PPM1F: variants seen among roughly 807,000 people sequenced by gnomAD.
PPM1F encodes protein phosphatase 1F.
Under a neutral mutation model 35.5 loss-of-function variants are expected in PPM1F, and 17 were observed. The ratio of observed to expected loss-of-function variants is 0.48; its 90% confidence interval spans 0.33 to 0.72. The LOEUF (loss-of-function observed/expected upper bound fraction) is 0.72. Ranked by LOEUF, PPM1F falls within the 30% of genes least tolerant of loss-of-function variation. The probability of loss-of-function intolerance (pLI) is 0.02; values close to 1 mark genes in which losing one functional copy is unlikely to be tolerated. For missense variants in PPM1F, 521 were observed against 613.0 expected (o/e 0.85, Z 1.59); for synonymous variants, 241 against 255.5 (o/e 0.94, Z 0.54).
At chr22:21,935,404 T>A (rs1387185023) in intron 3 of PPM1F, 1 of 152,212 alleles carries the variant, frequency 6.6e-6, no homozygotes, top group East Asian at 1.9e-4. Flanking sequence ...ATCCTGGTGA[T>A]GGAACTGCTC....
At chr22:21,940,512 GAC>G (rs3052748) in intron 2 of PPM1F, 66,028 of 150,954 alleles carry the variant, frequency 0.44, 14,728 homozygotes, top group African/African-American at 0.5. Flanking sequence ...TTTGGACACA[GAC>G]ACACACACAC....
intron 4 of PPM1F, 92 bp downstream of exon 4, chr22:21,933,932 C>T (rs1327760898): frequency 4.8e-6 from 6 of 1,260,606 alleles, no homozygotes; most frequent in Non-Finnish European, 5.4e-6. Context: ...CTGTCTCAGC[C>T]TTGGTGGGCA....
At chr22:21,940,847 C>A (rs955019481) in intron 2 of PPM1F, among the ~76,000 whole-genome samples, 1 of 152,188 alleles carries the variant, frequency 6.6e-6, no homozygotes, top group African/African-American at 2.4e-5. Context: ...GCTGTGGGAA[C>A]AGGGCAGGCC....
At position 21,937,242 on chromosome 22, in the gene PPM1F, A is replaced by G. The variant is rs62234963; in HGVS notation, c.355+2290T>C. The G allele has an allele frequency of 3.7e-3, 561 of 152,744 alleles. 1 individual carries two copies. Among genetic ancestry groups the G allele is most frequent in the Middle Eastern group, 0.031 (9 of 294 alleles). The allele number at this position is 152,744 out of a possible 1,614,324, so 9.5% of individuals were successfully genotyped here. ...CTGTGGAAGAAAAGGAGAAGGGCTG[A>G]GGCCAGAGGGGGCCACCGAGGAAGA... On this transcript the variant is annotated intron_variant, in intron 3 of 7. Coordinates refer to ENST00000263212, the MANE Select transcript of PPM1F (RefSeq NM_014634.4).
chr22:21,935,671 C>G (rs1002537297), intron 3 of PPM1F: 4 of 152,108 alleles, frequency 2.6e-5, no homozygotes, highest in African/African-American at 9.7e-5. Flanking sequence ...GAGTTCAAGA[C>G]CAGCCTGGAT....
rs952695340 is a variant in PPM1F at position 21,919,637 on chromosome 22, T to C, written c.*3455A>G. 1 of 150,930 alleles carries C rather than the reference T, an allele frequency of 6.6e-6. No homozygotes were observed. Among genetic ancestry groups the C allele is most frequent in the Non-Finnish European group, 1.5e-5 (1 of 67,848 alleles). The allele number at this position is 150,930 out of a possible 1,614,324, so 9.3% of individuals were successfully genotyped here. On this transcript the variant is annotated 3_prime_UTR_variant, in exon 8 of 8. Coordinates refer to ENST00000263212, the MANE Select transcript of PPM1F (RefSeq NM_014634.4). ...TCGCAAGGCCTGCACTGCACCGGAA[T>C]GGCAGAGCTCCGTGCATTTGGCAAA... is the stretch of plus-strand genomic sequence containing the variant.
intron 2 of PPM1F, chr22:21,944,862 T>A (rs2070761470): frequency 6.6e-6 from 1 of 152,240 alleles, no homozygotes; most frequent in Non-Finnish European, 1.5e-5. Context: ...GACACCCAAC[T>A]CTCTATCTTC....
At chr22:21,931,090 G>A in intron 6 of PPM1F, 58 bp downstream of exon 6, 1 of 1,598,000 alleles carries the variant, frequency 6.3e-7, no homozygotes, top group Non-Finnish European at 8.5e-7. Context: ...GTTCCCCTAT[G>A]GGCCCAGCAT....
chr22:21,947,228 G>C (rs974708939), intron 1 of PPM1F: 2 of 152,414 alleles, frequency 1.3e-5, no homozygotes, highest in Non-Finnish European at 2.9e-5. Context: ...GCTCTCCAGC[G>C]CCCCCCCTTC....
chr22:21,931,223 G>C lies in PPM1F; in HGVS notation c.816C>G (p.Leu272=). 3 of 1,614,102 alleles carry C rather than the reference G, an allele frequency of 1.9e-6. No homozygotes were observed. Among genetic ancestry groups the C allele is most frequent in the Non-Finnish European group, 2.5e-6 (3 of 1,180,036 alleles). The change falls in exon 6 of 8, where the codon CTC becomes CTG. Residue 272 remains leucine (L), a synonymous_variant. Transcript: ENST00000263212. ...IAGATLHVAW[L]GDSQVILVQQ... is the part of the protein sequence containing the mutation. ...GTACCAAAATGACCTGGGAATCCCC[G>C]AGCCAGGCGACGTGCAGGGTCGCTC... is the stretch of plus-strand genomic sequence containing the variant.
At chr22:21,928,998 G>C (rs61741374) in intron 6 of PPM1F, among the ~76,000 whole-genome samples, 166 of 152,312 alleles carry the variant, frequency 1.1e-3, no homozygotes, top group Non-Finnish European at 2.2e-3. Context: ...TGCAGAGGCA[G>C]GAGACTGTTC....
chr22:21,933,913 G>T, intron 4 of PPM1F, 111 bp downstream of exon 4: 1 of 1,049,876 alleles, frequency 9.5e-7, no homozygotes, highest in Non-Finnish European at 1.4e-6. Context: ...GGGCTGACGG[G>T]TGTCTCTCCT....
At position 21,933,583 on chromosome 22, in the gene PPM1F, G is replaced by C. The variant is rs370005724; in HGVS notation, c.559-4C>G. 8 of 1,605,700 alleles carry C rather than the reference G, an allele frequency of 5.0e-6. No individual in the cohort carries two copies. The South Asian group carries it at 7.7e-5, about 15-fold the overall frequency. ...AGTAGGCGCGGTTCACAGGGTCCTG[G>C]TGGGGATGTGGTGGGAGTCACAGAC... is the stretch of plus-strand genomic sequence containing the variant. On this transcript the variant is annotated splice_region_variant and splice_polypyrimidine_tract_variant and intron_variant, in intron 4 of 7. Transcript: ENST00000263212.
intron 4 of PPM1F, 145 bp from the exon 5 acceptor site, chr22:21,933,724 G>A: frequency 1.3e-6 from 1 of 776,676 alleles, no homozygotes; most frequent in Admixed American, 2.8e-5. Flanking sequence ...GGTAGGTTTG[G>A]AAAAGGACAG....
intron 1 of PPM1F, chr22:21,946,697 G>A (rs2070781189): frequency 1.3e-5 from 2 of 152,570 alleles, no homozygotes; most frequent in South Asian, 4.1e-4. Flanking sequence ...GGGGTGGCCA[G>A]GAGAGAAGCA....
In PPM1F at chr22:21,933,976, G is replaced by A. The variant is rs375525936; in HGVS notation, c.558+48C>T. 193 of 1,493,790 alleles carry A rather than the reference G, an allele frequency of 1.3e-4. No individual in the cohort carries two copies. The African/African-American group carries it at 2.2e-3, about 17-fold the overall frequency. 92.5% of individuals were successfully genotyped at this position (1,493,790 alleles called of 1,614,324 possible). A position where few individuals can be genotyped will look rare whatever the true frequency, so the allele number is the denominator to read the frequency against. On this transcript the variant is annotated intron_variant, in intron 4 of 7. Coordinates refer to ENST00000263212, the MANE Select transcript of PPM1F (RefSeq NM_014634.4). Reference sequence around the variant, plus strand: ...CGGTACCTGGGGGGCCCCCACCCTCGCCCCGGTCCTCCGAAGCTGTCCCCA... The same window carrying A: ...CGGTACCTGGGGGGCCCCCACCCTCACCCCGGTCCTCCGAAGCTGTCCCCA...
At chr22:21,945,697 G>C (rs2070769324) in intron 2 of PPM1F, 146 bp downstream of exon 2, 1 of 753,074 alleles carries the variant, frequency 1.3e-6, no homozygotes, top group African/African-American at 1.8e-5. Context: ...TAGCAGCCAC[G>C]GGAGTTCCAC....
Position 21,931,383 on chromosome 22 carries a change from T to C in PPM1F, c.748-92A>G, listed in dbSNP as rs117831697. On this transcript the variant is annotated intron_variant, in intron 5 of 7. Coordinates refer to ENST00000263212, the MANE Select transcript of PPM1F (RefSeq NM_014634.4). ...GGATGAAGCTTCCGGGGGTGATGAA[T>C]ACTTCCGTTACTGTGGTGAGGAATC... The C allele has an allele frequency of 5.0e-3, 6,148 of 1,229,920 alleles. 30 individuals carry two copies. Among genetic ancestry groups the C allele is most frequent in the Non-Finnish European group, 6.4e-3 (5,634 of 884,966 alleles). 76.2% of individuals were successfully genotyped at this position (1,229,920 alleles called of 1,614,324 possible).
At chr22:21,937,824 C>A (rs2145801125) in intron 3 of PPM1F, 1 of 286,244 alleles carries the variant, frequency 3.5e-6, no homozygotes, top group Non-Finnish European at 6.9e-6. Flanking sequence ...CCACGGACTC[C>A]CCATGCCAAG....
Sources: allele counts gnomAD v4.1 joint callset (sites outside exome capture counted in the v4.1 genomes callset), GRCh38; gene constraint gnomAD v4.1.1; transcripts MANE v1.5; gene names NCBI Gene and HGNC (gene_info 2026-07-23, HGNC 2026-07-21).